Variants in GABRG2 observed in about 807,000 individuals in gnomAD.
GABRG2 encodes the protein gamma-aminobutyric acid type A receptor subunit gamma2, also known as gamma-aminobutyric acid receptor subunit gamma-2.
In GABRG2, 16 loss-of-function variants were observed where a neutral mutation model predicts 56.4. The observed-to-expected ratio is 0.28, with a 90% CI of 0.19 to 0.43. GABRG2 has a LOEUF of 0.43. Among genes scored for constraint, GABRG2 ranks in the 20% least tolerant of loss-of-function variants. The pLI, the probability that GABRG2 is intolerant of heterozygous loss-of-function variation, is 1.00. For missense variants in GABRG2, 327 were observed against 582.7 expected, an observed-to-expected ratio of 0.56 and a Z score of 4.52; for synonymous variants, 208 against 205.5, an observed-to-expected ratio of 1.01 and a Z score of -0.10.
intron 6 of GABRG2, among the ~76,000 whole-genome samples, chr5:162,121,851 A>G (rs563573705): frequency 4.6e-5 from 7 of 152,128 alleles, no homozygotes; most frequent in East Asian, 1.9e-4. Flanking sequence ...AAGAGCATCA[A>G]TGTGTCCTCT....
chr5:162,150,045 G>T, intron 8 of GABRG2: 1 of 160,180 alleles, frequency 6.2e-6, no homozygotes, highest in Non-Finnish European at 1.4e-5. Context: ...TGTGTATGGA[G>T]GTGGAATGTG....
chr5:162,086,760 T>G (rs1760152717), intron 1 of GABRG2, among the ~76,000 whole-genome samples: 1 of 152,052 alleles, frequency 6.6e-6, no homozygotes, highest in Non-Finnish European at 1.5e-5. Context: ...AAATTTATTT[T>G]GCTGCATGTA....
intron 7 of GABRG2, among the ~76,000 whole-genome samples, chr5:162,144,580 T>G (rs921760212): frequency 2.0e-5 from 3 of 152,210 alleles, no homozygotes; most frequent in African/African-American, 7.2e-5. Context: ...TCACAACACC[T>G]GCATGTAGAA....
chr5:162,136,002 G>A (rs1764097136), intron 6 of GABRG2, among the ~76,000 whole-genome samples: 1 of 152,154 alleles, frequency 6.6e-6, no homozygotes, highest in South Asian at 2.1e-4. Flanking sequence ...GTATAGGCAT[G>A]ATCAGAGGGT....
At chr5:162,116,109 CATGTGTGTGTGTGT>C (rs1176063780) in intron 6 of GABRG2, among the ~76,000 whole-genome samples, 2 of 125,502 alleles carry the variant, frequency 1.6e-5, no homozygotes, top group Non-Finnish European at 3.2e-5. Flanking sequence ...GGTGTGCGTG[CATGTGTGTGTGTGT>C]GTGTGTGTGT....
chr5:162,110,848 GATTTTA>G, intron 6 of GABRG2, among the ~76,000 whole-genome samples: 1 of 152,168 alleles, frequency 6.6e-6, no homozygotes, highest in South Asian at 2.1e-4. Flanking sequence ...CACAGTAATA[GATTTTA>G]ATTTTATTTT....
intron 1 of GABRG2, among the ~76,000 whole-genome samples, chr5:162,080,582 T>G (rs1458086706): frequency 1.3e-5 from 2 of 152,152 alleles, no homozygotes; most frequent in African/African-American, 4.8e-5. Flanking sequence ...CCATTGTAAG[T>G]AATTTGAATT....
In GABRG2 at chr5:162,154,379, A is replaced by G. The variant is rs1480882697; in HGVS notation, c.*1011A>G. On this transcript the variant is annotated 3_prime_UTR_variant, in exon 10 of 10. Coordinates refer to ENST00000639213, the MANE Select transcript of GABRG2 (RefSeq NM_198904.4). ...CCTCTTTGGGTCTGTAGCACCTTGC[A>G]TAGTGCCTGGCATATAGTTGGTGCT... 3 of 152,138 alleles carry G rather than the reference A, an allele frequency of 2.0e-5. No homozygotes were observed. In the East Asian group the frequency reaches 5.8e-4, roughly 29 times the overall value. 9.4% of individuals were successfully genotyped at this position (152,138 alleles called of 1,614,324 possible).
At chr5:162,151,524 T>C in intron 8 of GABRG2, 1 of 508,546 alleles carries the variant, frequency 2.0e-6, no homozygotes, top group Non-Finnish European at 3.4e-6. Flanking sequence ...ATTTCACTAG[T>C]AATTACAAAA....
chr5:162,084,121 T>G (rs1366982291), intron 1 of GABRG2, among the ~76,000 whole-genome samples: 1 of 151,666 alleles, frequency 6.6e-6, no homozygotes, highest in Non-Finnish European at 1.5e-5. Context: ...TTGAAAAGAG[T>G]GGCTAAAGAC....
intron 4 of GABRG2, 88 bp from the exon 5 acceptor site, chr5:162,101,147 C>A: frequency 1.1e-6 from 1 of 903,174 alleles, no homozygotes; most frequent in Non-Finnish European, 1.8e-6. Flanking sequence ...GAGATATTCT[C>A]TAGAAAAACA....
chr5:162,068,156 A>T, intron 1 of GABRG2, 50 bp downstream of exon 1: 3 of 1,205,510 alleles, frequency 2.5e-6, no homozygotes, highest in Non-Finnish European at 2.5e-6. Context: ...GGTGGGGGGA[A>T]GGTGTGGGGA....
rs796052505 is a variant in GABRG2, at chr5:162,095,551, G to C, written c.316G>C (p.Ala106Pro). The C allele has an allele frequency of 1.9e-6, 3 of 1,600,954 alleles. No individual in the cohort carries two copies. The highest frequency in any genetic ancestry group is 2.6e-6 in the Non-Finnish European group (3 of 1,169,164). ...MYVNSIGPVN[A>P]INMEYTIDIF... ...TGTGAATAGCATTGGTCCAGTGAAC[G>C]CTATCAATATGGTGAGTTTCCAAAT... The change falls in exon 3 of 10, where the codon GCT (alanine) becomes CCT (proline). Residue 106 changes from alanine to proline, a missense_variant. Coordinates refer to ENST00000639213, the MANE Select transcript of GABRG2 (RefSeq NM_198904.4).
intron 5 of GABRG2, 74 bp from the exon 6 acceptor site, chr5:162,103,815 T>C: frequency 6.6e-7 from 1 of 1,520,882 alleles, no homozygotes. Flanking sequence ...CTCAGTGTCA[T>C]GTTCATAGAA....
chr5:162,141,858 T>G (rs1764591555), intron 6 of GABRG2, among the ~76,000 whole-genome samples: 1 of 152,016 alleles, frequency 6.6e-6, no homozygotes, highest in African/African-American at 2.4e-5. Context: ...ACCAAACATT[T>G]TTATAATGTT....
At position 162,138,987 on chromosome 5, in the gene GABRG2, G is replaced by A. The variant is rs1055211320; in HGVS notation, c.770-3177G>A. Among the ~76,000 whole-genome samples the A allele has an allele frequency of 2.6e-5, 4 of 151,352 alleles. No homozygotes were observed. The East Asian group carries it at 5.9e-4, about 22-fold the overall frequency. On this transcript the variant is annotated intron_variant, in intron 6 of 9. Transcript: ENST00000639213. ...CTAAATATTAAATTTTAAAACTATC[G>A]TATGGTTATTTACCACTACAACTTA...
At position 162,067,961 on chromosome 5, in the gene GABRG2, C is replaced by A. The variant is rs371508835; in HGVS notation, c.-39C>A. 2.2e-6 allele frequency: 3 copies of A among 1,381,996 alleles called. No homozygotes were observed. Among genetic ancestry groups the A allele is most frequent in the Non-Finnish European group, 3.1e-6 (3 of 973,234 alleles). 85.6% of individuals were successfully genotyped at this position (1,381,996 alleles called of 1,614,324 possible). The stretch of plus-strand genomic sequence containing the variant: ...CAAAGGGGAGGGATTCTTCTGCAAC[C>A]AAGAGGCAAGAGGCGAGAGAAGGAA... On this transcript the variant is annotated 5_prime_UTR_variant, in exon 1 of 10. Coordinates refer to ENST00000639213, the MANE Select transcript of GABRG2 (RefSeq NM_198904.4).
chr5:162,149,460 C>T (rs1218798235), intron 8 of GABRG2, 147 bp downstream of exon 8: 3 of 751,096 alleles, frequency 4.0e-6, no homozygotes, highest in Non-Finnish European at 7.1e-6. Context: ...CATAACGATT[C>T]ATTTACAGTC....
intron 7 of GABRG2, among the ~76,000 whole-genome samples, chr5:162,144,104 T>A (rs1418678869): frequency 6.6e-6 from 1 of 152,206 alleles, no homozygotes; most frequent in Non-Finnish European, 1.5e-5. Flanking sequence ...TTCGGACTAT[T>A]ACTTGTCACT....
Sources: gnomAD v4.1 joint callset for allele counts (sites outside exome capture counted in the v4.1 genomes callset) on GRCh38, gnomAD v4.1.1 for gene constraint, MANE v1.5 for transcripts, NCBI Gene and HGNC (gene_info 2026-07-23, HGNC 2026-07-21) for gene names.